The following DAAM1 variants were observed in gnomAD, a reference collection of about 807,000 sequenced individuals.
DAAM1 encodes disheveled-associated activator of morphogenesis 1.
In DAAM1, 52 loss-of-function variants were observed where a neutral mutation model predicts 130.0. The ratio of observed to expected loss-of-function variants is 0.40; its 90% CI spans 0.32 to 0.50. DAAM1 has a LOEUF of 0.50. Among genes scored for constraint, DAAM1 ranks in the 20% least tolerant of loss-of-function variants. The pLI is 0.61. For missense variants in DAAM1, 1,134 were observed against 1,303.8 expected (o/e 0.87, Z 2.01); for synonymous variants, 452 against 444.5 (o/e 1.02, Z -0.21).
At chr14:59,312,880 T>G (rs1315947045) in intron 3 of DAAM1, among the ~76,000 whole-genome samples, 3 of 152,210 alleles carry the variant, frequency 2.0e-5, no homozygotes, top group African/African-American at 7.2e-5. Flanking sequence ...TTTGGGATAA[T>G]GGGAGCAAAG....
intron 1 of DAAM1, among the ~76,000 whole-genome samples, chr14:59,194,744 A>G (rs1304010457): frequency 6.6e-6 from 1 of 152,244 alleles, no homozygotes; most frequent in Non-Finnish European, 1.5e-5. Flanking sequence ...CCACCTCAGA[A>G]GAGATACTTT....
chr14:59,308,816 A>G (rs150529618), intron 3 of DAAM1, among the ~76,000 whole-genome samples: 68 of 152,356 alleles, frequency 4.5e-4, no homozygotes, highest in Non-Finnish European at 7.5e-4. Context: ...CAGTCTTTCC[A>G]GAAAAATGAC....
intron 1 of DAAM1, among the ~76,000 whole-genome samples, chr14:59,193,272 T>C (rs1333517335): frequency 6.6e-6 from 1 of 152,164 alleles, no homozygotes; most frequent in Non-Finnish European, 1.5e-5. Context: ...ATTATATTAT[T>C]TAGAGTGGCT....
chr14:59,331,032 T>C (rs1234798741), intron 13 of DAAM1, among the ~76,000 whole-genome samples, 177 bp from the exon 14 acceptor site: 1 of 152,158 alleles, frequency 6.6e-6, no homozygotes, highest in African/African-American at 2.4e-5. Context: ...AAAAGGTTGA[T>C]GCACTGGAGT....
intron 1 of DAAM1, among the ~76,000 whole-genome samples, chr14:59,229,452 C>T (rs988200747): frequency 2.0e-5 from 3 of 152,032 alleles, no homozygotes; most frequent in Admixed American, 1.3e-4. Flanking sequence ...TATATAATAC[C>T]CTTGATTTAT....
intron 3 of DAAM1, among the ~76,000 whole-genome samples, chr14:59,309,061 G>T (rs996281591): frequency 6.6e-6 from 1 of 152,170 alleles, no homozygotes; most frequent in African/African-American, 2.4e-5. Context: ...CCTTCTTTTG[G>T]CAAGCTTCAG....
At chr14:59,310,112 C>CT (rs10710665) in intron 3 of DAAM1, among the ~76,000 whole-genome samples, 22 of 130,358 alleles carry the variant, frequency 1.7e-4, no homozygotes, top group East Asian at 4.4e-4. Flanking sequence ...AAATTTTTTC[C>CT]TTTTTTTTTT....
intron 2 of DAAM1, among the ~76,000 whole-genome samples, chr14:59,273,494 A>G (rs1486019788): frequency 6.6e-6 from 1 of 152,240 alleles, no homozygotes; most frequent in Non-Finnish European, 1.5e-5. Flanking sequence ...CAAAATGGCT[A>G]TGGATCCTCT....
At chr14:59,210,205 C>G (rs1253763317) in intron 1 of DAAM1, among the ~76,000 whole-genome samples, 1 of 152,176 alleles carries the variant, frequency 6.6e-6, no homozygotes, top group African/African-American at 2.4e-5. Flanking sequence ...CAAATTGACG[C>G]TCTTGACAGT....
At chr14:59,295,744 T>G (rs1356046694) in intron 3 of DAAM1, among the ~76,000 whole-genome samples, 1 of 152,210 alleles carries the variant, frequency 6.6e-6, no homozygotes, top group Non-Finnish European at 1.5e-5. Flanking sequence ...GGAGACGAGA[T>G]GAGACATCGG....
chr14:59,262,303 A>G (rs902971257), intron 1 of DAAM1, among the ~76,000 whole-genome samples: 1 of 152,210 alleles, frequency 6.6e-6, no homozygotes, highest in Non-Finnish European at 1.5e-5. Flanking sequence ...ACGCAATGGC[A>G]TCATGCTATG....
chr14:59,335,960 A>G (rs1885612389), intron 15 of DAAM1, among the ~76,000 whole-genome samples: 1 of 151,660 alleles, frequency 6.6e-6, no homozygotes, highest in African/African-American at 2.4e-5. Flanking sequence ...TATTTATTTC[A>G]GTAGGCTTGA....
chr14:59,367,445 A>G lies in DAAM1; in HGVS notation c.2843A>G (p.Lys948Arg). The G allele has an allele frequency of 6.2e-7, 1 of 1,610,890 alleles. No individual in the cohort carries two copies. Among genetic ancestry groups the G allele is most frequent in the Non-Finnish European group, 8.5e-7 (1 of 1,177,962 alleles). Residue 948 changes from lysine (K) to arginine (R), a missense_variant, in exon 24 of 25, where the codon AAG becomes AGG. Around this residue, in one of 3 missense-constraint regions of DAAM1, gnomAD observed 644 missense variants for 695.9 expected, o/e 0.93. Coordinates refer to ENST00000360909, the MANE Select transcript of DAAM1 (RefSeq NM_001270520.2). The stretch of plus-strand genomic sequence containing the variant: ...TTTTCCTAGTTTACTAAAGCAGTGA[A>G]GCACTTTGGGGAAGAGGCTGGCAAA... ...EAKDLFTKAV[K>R]HFGEEAGKIQ...
intron 1 of DAAM1, among the ~76,000 whole-genome samples, chr14:59,259,641 G>T (rs1882074535): frequency 6.6e-6 from 1 of 152,140 alleles, no homozygotes; most frequent in Non-Finnish European, 1.5e-5. Flanking sequence ...CCTGCCCTGA[G>T]GACACATACC....
chr14:59,288,114 G>T (rs1883544258), intron 2 of DAAM1, among the ~76,000 whole-genome samples: 2 of 152,074 alleles, frequency 1.3e-5, no homozygotes, highest in Non-Finnish European at 2.9e-5. Flanking sequence ...CAGAAATGAA[G>T]CCACACACCT....
chr14:59,303,365 G>T (rs1884252324), intron 3 of DAAM1, among the ~76,000 whole-genome samples: 1 of 152,138 alleles, frequency 6.6e-6, no homozygotes, highest in African/African-American at 2.4e-5. Flanking sequence ...ATTCATTCTG[G>T]TTACCACCAC....
chr14:59,366,782 C>G (rs1484390293), intron 23 of DAAM1, among the ~76,000 whole-genome samples: 3 of 152,152 alleles, frequency 2.0e-5, no homozygotes, highest in Non-Finnish European at 4.4e-5. Flanking sequence ...GGTGCAGCGG[C>G]ACATGCCTAT....
intron 1 of DAAM1, among the ~76,000 whole-genome samples, chr14:59,193,727 G>A (rs1395016325): frequency 6.6e-6 from 1 of 152,156 alleles, no homozygotes; most frequent in Non-Finnish European, 1.5e-5. Context: ...TTTTTACTCT[G>A]TCTGTGACTT....
chr14:59,256,797 T>C lies in DAAM1; in HGVS notation c.-37-6644T>C, dbSNP rs374997567. The stretch of plus-strand genomic sequence containing the variant: ...TGTATGTCTGCACTAGACTATGATC[T>C]CCCAAAATGGCATTTTGAGTTTTCT... On this transcript the variant is annotated intron_variant, in intron 1 of 24. Transcript: ENST00000360909. Among the ~76,000 whole-genome samples, 6 of 152,296 alleles carry C rather than the reference T, an allele frequency of 3.9e-5. No homozygotes were observed. In the East Asian group the frequency reaches 5.8e-4, roughly 15 times the overall value.
Sources: gnomAD v4.1 joint callset for allele counts (sites outside exome capture counted in the v4.1 genomes callset) on GRCh38, gnomAD v4.1.1 for gene constraint, gnomAD v4.1.1 regional missense constraint, MANE v1.5 for transcripts, NCBI Gene and HGNC (gene_info 2026-07-23, HGNC 2026-07-21) for gene names.